TTC29: variants seen among roughly 807,000 people sequenced by gnomAD.
TTC29 encodes the protein tetratricopeptide repeat protein 29.
TTC29 carries 49 observed loss-of-function variants against 58.1 expected under a neutral mutation model. The ratio of observed to expected loss-of-function variants is 0.84; its 90% CI spans 0.67 to 1.07. The LOEUF (loss-of-function observed/expected upper bound fraction) is 1.07, where lower values mean the gene tolerates loss of function less well. Among genes scored for constraint, TTC29 ranks in the 50% least tolerant of loss-of-function variants. The pLI is 0.00. For missense variants in TTC29, 582 were observed against 555.6 expected, an observed-to-expected ratio of 1.05 and a Z score of -0.48; for synonymous variants, 209 against 196.8, an observed-to-expected ratio of 1.06 and a Z score of -0.52.
chr4:146,819,366 A>AT (rs1751662185), intron 10 of TTC29, among the ~76,000 whole-genome samples: 1 of 152,138 alleles, frequency 6.6e-6, no homozygotes. Context: ...TCTGAAAGAG[A>AT]TTAACAGAAA....
At chr4:146,868,897 T>C (rs568888702) in intron 7 of TTC29, among the ~76,000 whole-genome samples, 1 of 152,136 alleles carries the variant, frequency 6.6e-6, no homozygotes, top group South Asian at 2.1e-4. Flanking sequence ...GCCATCCTTA[T>C]GGTAACGAGT....
chr4:146,810,393 TA>T (rs1291314169), intron 10 of TTC29, among the ~76,000 whole-genome samples: 2 of 152,072 alleles, frequency 1.3e-5, no homozygotes, highest in East Asian at 3.9e-4. Flanking sequence ...TCCCAGAACT[TA>T]AAGTATATAT....
intron 5 of TTC29, among the ~76,000 whole-genome samples, chr4:146,905,105 A>G (rs776997428): frequency 6.6e-6 from 1 of 152,196 alleles, no homozygotes; most frequent in Non-Finnish European, 1.5e-5. Flanking sequence ...TCAGGTGAAA[A>G]GTAGCGCATG....
chr4:146,777,049 C>A (rs529415546), intron 11 of TTC29, among the ~76,000 whole-genome samples: 1 of 152,122 alleles, frequency 6.6e-6, no homozygotes, highest in East Asian at 1.9e-4. Flanking sequence ...AGTGTCTTTG[C>A]CATGTTCACA....
chr4:146,877,738 A>G (rs1338457647), intron 6 of TTC29, among the ~76,000 whole-genome samples: 1 of 152,110 alleles, frequency 6.6e-6, no homozygotes, highest in Non-Finnish European at 1.5e-5. Context: ...CTTTTTGGCC[A>G]TGTAAGTGGG....
chr4:146,937,668 CAATT>C lies in TTC29; in HGVS notation c.98_101del (p.Gln33ArgfsTer8). 3 of 1,493,062 alleles carry C rather than the reference CAATT, an allele frequency of 2.0e-6. No homozygotes were observed. Among genetic ancestry groups the C allele is most frequent in the Non-Finnish European group, 2.7e-6 (3 of 1,104,360 alleles). 92.5% of individuals were successfully genotyped at this position (1,493,062 alleles called of 1,614,324 possible). A position where few individuals can be genotyped will look rare whatever the true frequency, so the allele number is the denominator to read the frequency against. ...GATCTATGTCATCTTTTTCTTTGAT[CAATT>C]GAGACCTAAATGAAATAGAAAGAAA... On this transcript the variant is annotated frameshift_variant, in exon 4 of 13. Coordinates refer to ENST00000325106, the MANE Select transcript of TTC29 (RefSeq NM_031956.4). LOFTEE classifies it high-confidence loss of function.
chr4:146,815,499 G>A (rs1751338189), intron 10 of TTC29, among the ~76,000 whole-genome samples: 1 of 152,144 alleles, frequency 6.6e-6, no homozygotes, highest in Non-Finnish European at 1.5e-5. Context: ...CCTTTGCAAA[G>A]TTTGGAGTCC....
chr4:146,809,149 T>C (rs1476228585), intron 10 of TTC29, among the ~76,000 whole-genome samples: 1 of 150,042 alleles, frequency 6.7e-6, no homozygotes, highest in African/African-American at 2.4e-5. Context: ...GGATTCCCTA[T>C]TTAATAAATG....
At chr4:146,751,822 G>T (rs1401011606) in intron 11 of TTC29, among the ~76,000 whole-genome samples, 1 of 150,700 alleles carries the variant, frequency 6.6e-6, no homozygotes, top group African/African-American at 2.4e-5. Flanking sequence ...CAGAAGGAAG[G>T]AAATCATAAA....
At chr4:146,717,987 T>C (rs1455620954) in intron 11 of TTC29, among the ~76,000 whole-genome samples, 1 of 152,206 alleles carries the variant, frequency 6.6e-6, no homozygotes, top group Admixed American at 6.6e-5. Flanking sequence ...ACATTTTATA[T>C]GTGTCTTTCT....
At chr4:146,710,880 T>A (rs1430632679) in intron 11 of TTC29, among the ~76,000 whole-genome samples, 1 of 152,098 alleles carries the variant, frequency 6.6e-6, no homozygotes, top group African/African-American at 2.4e-5. Context: ...AATAAGCCAG[T>A]AAATGCTAAA....
intron 11 of TTC29, among the ~76,000 whole-genome samples, chr4:146,709,525 T>C (rs894096715): frequency 2.0e-5 from 3 of 152,166 alleles, no homozygotes. Flanking sequence ...GGCAAAAGTA[T>C]AGCCCTAGTT....
Position 146,903,647 on chromosome 4 carries a change from G to T in TTC29, c.483C>A (p.His161Gln), listed in dbSNP as rs778736183. ...NNSEDKWVRNHFYERCFKIAQ... is the reference protein window; with the variant it reads ...NNSEDKWVRNQFYERCFKIAQ... ...CAATCTTAAAACATCGTTCATAGAA[G>T]TGGTTCCTTACCCACTTGTCTTCAG... Residue 161 changes from histidine (H) to glutamine (Q), a missense_variant, in exon 6 of 13, where the codon CAC becomes CAA. Coordinates refer to ENST00000325106, the MANE Select transcript of TTC29 (RefSeq NM_031956.4). 6.2e-7 allele frequency: 1 copy of T among 1,612,966 alleles called. No individual in the cohort carries two copies. The highest frequency in any genetic ancestry group is 1.3e-5 in the African/African-American group (1 of 74,882).
intron 11 of TTC29, among the ~76,000 whole-genome samples, chr4:146,710,939 A>G (rs1478902995): frequency 6.6e-6 from 1 of 152,120 alleles, no homozygotes; most frequent in African/African-American, 2.4e-5. Context: ...AATGGAATAT[A>G]ATATTTATAT....
chr4:146,890,998 ATATGGAG>A (rs1330440107), intron 6 of TTC29, among the ~76,000 whole-genome samples: 2 of 152,106 alleles, frequency 1.3e-5, no homozygotes, highest in East Asian at 3.9e-4. Context: ...GGATTCACAA[ATATGGAG>A]TACATAGAGG....
intron 11 of TTC29, among the ~76,000 whole-genome samples, chr4:146,790,337 C>T (rs567378975): frequency 3.8e-4 from 58 of 152,046 alleles, no homozygotes; most frequent in African/African-American, 1.3e-3. Context: ...TACAGGCGCC[C>T]GCCACCATGC....
At chr4:146,943,168 GCTT>G (rs1736574531) in intron 2 of TTC29, among the ~76,000 whole-genome samples, 1 of 79,034 alleles carries the variant, frequency 1.3e-5, no homozygotes, top group Non-Finnish European at 2.5e-5. Context: ...GATCAACTGT[GCTT>G]TTTTTTTTTT....
Position 146,820,113 on chromosome 4 carries a change from A to T in TTC29, c.1101+12T>A. 1 of 1,612,052 alleles carries T rather than the reference A, an allele frequency of 6.2e-7. No individual in the cohort carries two copies. Among genetic ancestry groups the T allele is most frequent in the Non-Finnish European group, 8.5e-7 (1 of 1,179,716 alleles). ...GCAAATTTCTCTATAAACAAGAAACACATAGACTCACTTTTTCATTGTAGA... is the reference window on the plus strand; with the variant it reads ...GCAAATTTCTCTATAAACAAGAAACTCATAGACTCACTTTTTCATTGTAGA... On this transcript the variant is annotated intron_variant, in intron 10 of 12. Coordinates refer to ENST00000325106, the MANE Select transcript of TTC29 (RefSeq NM_031956.4).
At chr4:146,840,340 G>T (rs1273209435) in intron 8 of TTC29, among the ~76,000 whole-genome samples, 1 of 151,928 alleles carries the variant, frequency 6.6e-6, no homozygotes, top group African/African-American at 2.4e-5. Flanking sequence ...ATTCCACCTT[G>T]TTATCACTTT....
Sources: gnomAD v4.1 joint callset for allele counts (sites outside exome capture counted in the v4.1 genomes callset) on GRCh38, gnomAD v4.1.1 for gene constraint, MANE v1.5 for transcripts, NCBI Gene and HGNC (gene_info 2026-07-23, HGNC 2026-07-21) for gene names.